The following TAF13 variants were observed in gnomAD, a reference collection of about 807,000 sequenced individuals.
TAF13 encodes transcription initiation factor TFIID subunit 13.
A neutral mutation model predicts 18.7 loss-of-function variants in TAF13; 9 were observed. The observed-to-expected ratio is 0.48, with a 90% CI of 0.29 to 0.84. The LOEUF is 0.84. TAF13 is among the 40% of genes least tolerant of loss of function. The pLI is 0.08. For missense variants in TAF13, 105 were observed against 146.5 expected (o/e 0.72, Z 1.46); for synonymous variants, 49 against 44.1 (o/e 1.11, Z -0.44).
At chr1:109,075,813 G>A (rs1664168101) in intron 1 of TAF13, 108 bp downstream of exon 1, 2 of 1,452,924 alleles carry the variant, frequency 1.4e-6, no homozygotes, top group Non-Finnish European at 1.9e-6. Context: ...CCCGAACTCT[G>A]TCCGCTGAAT....
chr1:109,071,962 A>G (rs1231974748), intron 2 of TAF13, among the ~76,000 whole-genome samples: 27 of 1,376 alleles, frequency 0.02, 1 homozygote, highest in Admixed American at 0.033. Context: ...AAGAAAATAT[A>G]TATATATATA....
Position 109,064,676 on chromosome 1 carries a change from T to C in TAF13, c.222A>G (p.Ser74=), listed in dbSNP as rs776816186. The C allele has an allele frequency of 6.6e-7, 1 of 1,521,584 alleles. No homozygotes were observed. Among genetic ancestry groups the C allele is most frequent in the South Asian group, 1.4e-5 (1 of 73,976 alleles). The allele number at this position is 1,521,584 out of a possible 1,614,324, so 94.3% of individuals were successfully genotyped here. Residue 74 remains serine, a synonymous_variant, in exon 4 of 4, where the codon TCA becomes TCG. Transcript: ENST00000338366. The part of the protein sequence containing the change: ...FITEMTHKAM[S]IGRQGRVQVE... ...CTTGTACTCGACCTTGTCTTCCAAT[T>C]GACATTGCCTTGTGAGTCTATTACA...
intron 2 of TAF13, among the ~76,000 whole-genome samples, chr1:109,074,348 G>C (rs999178073): frequency 1.7e-4 from 26 of 152,152 alleles, no homozygotes; most frequent in Non-Finnish European, 3.1e-4. Context: ...GGTGCAAGAT[G>C]TGCTTTGTTA....
At chr1:109,068,981 G>A (rs1164406853) in intron 2 of TAF13, among the ~76,000 whole-genome samples, 6 of 152,276 alleles carry the variant, frequency 3.9e-5, no homozygotes, top group South Asian at 2.1e-4. Flanking sequence ...CAACCTGGGC[G>A]AAAGAGGGAG....
intron 2 of TAF13, among the ~76,000 whole-genome samples, chr1:109,070,974 G>A (rs916910898): frequency 6.6e-6 from 1 of 152,148 alleles, no homozygotes; most frequent in Non-Finnish European, 1.5e-5. Flanking sequence ...CATTAGTGAG[G>A]AAACAAAATA....
intron 2 of TAF13, among the ~76,000 whole-genome samples, chr1:109,070,716 GGTTCAGGAGAATAGATCTTTC>G (rs1483556579): frequency 6.6e-6 from 1 of 151,994 alleles, no homozygotes; most frequent in East Asian, 1.9e-4. Flanking sequence ...TTTTTTTAAA[GGTTCAGGAGAATAGATCTTTC>G]GTCAGTAACT....
intron 2 of TAF13, among the ~76,000 whole-genome samples, chr1:109,070,702 A>AT (rs145850948): frequency 2.7e-5 from 4 of 150,714 alleles, no homozygotes; most frequent in African/African-American, 9.7e-5. Flanking sequence ...TCCCCCCCAA[A>AT]TTTTTTTTTT....
At chr1:109,075,862 C>G in intron 1 of TAF13, 59 bp downstream of exon 1, 1 of 1,611,474 alleles carries the variant, frequency 6.2e-7, no homozygotes, top group Non-Finnish European at 8.5e-7. Context: ...ACTCTGCCTC[C>G]GCTACTGAGC....
At chr1:109,073,559 G>A (rs1664116920) in intron 2 of TAF13, among the ~76,000 whole-genome samples, 1 of 152,154 alleles carries the variant, frequency 6.6e-6, no homozygotes, top group Non-Finnish European at 1.5e-5. Context: ...GTGGAGACGG[G>A]GTTTCGCCGT....
intron 2 of TAF13, among the ~76,000 whole-genome samples, chr1:109,067,279 G>A (rs181424869): frequency 3.9e-5 from 6 of 151,958 alleles, no homozygotes; most frequent in South Asian, 2.1e-4. Context: ...GCAACATGGC[G>A]AAACCCTGTC....
Position 109,066,137 on chromosome 1 carries a change from T to C in TAF13, c.202A>G (p.Met68Val), listed in dbSNP as rs1281981816. The stretch of plus-strand genomic sequence containing the variant: ...GACCAGTTAGGAAAGAATCTTACCA[T>C]TTCAGTGATAAACTCTATGACAAGA... ...EDLVIEFITE[M>V]THKAMSIGRQ... Residue 68 changes from methionine (M) to valine (V), a missense_variant and splice_region_variant, in exon 3 of 4, where the codon ATG becomes GTG. Coordinates refer to ENST00000338366, the MANE Select transcript of TAF13 (RefSeq NM_005645.4). The C allele has an allele frequency of 6.2e-7, 1 of 1,605,412 alleles. No homozygotes were observed. The highest frequency in any genetic ancestry group is 1.8e-5 in the Admixed American group (1 of 57,064).
intron 2 of TAF13, among the ~76,000 whole-genome samples, chr1:109,072,009 TATATACACACAC>T (rs1454821389): frequency 0.048 from 121 of 2,524 alleles, 10 homozygotes; most frequent in Non-Finnish European, 0.084. Flanking sequence ...TATATATATA[TATATACACACAC>T]ATATATATAT....
intron 3 of TAF13, 75 bp downstream of exon 3, chr1:109,066,060 T>C: frequency 1.6e-6 from 2 of 1,256,550 alleles, no homozygotes; most frequent in Middle Eastern, 2.1e-4. Flanking sequence ...ATGCCATAAG[T>C]TCTAGTCTTA....
Position 109,072,007 on chromosome 1 carries a change from TATATATACACACAC to T in TAF13, c.106+2966_106+2979del, listed in dbSNP as rs1664072697. 8.8e-3 allele frequency among the ~76,000 whole-genome samples: 19 copies of T among 2,160 alleles called. 1 individual carries two copies. Among genetic ancestry groups the T allele is most frequent in the Middle Eastern group, 0.25 (1 of 4 alleles). 1.4% of individuals were successfully genotyped at this position (2,160 alleles called of 152,430 possible). A position where few individuals can be genotyped will look rare whatever the true frequency, so the allele number is the denominator to read the frequency against. ...ATATATATATATATATATATATATA[TATATATACACACAC>T]ATATATATATATATATATATATACA... On this transcript the variant is annotated intron_variant, in intron 2 of 3. Transcript: ENST00000338366.
At chr1:109,064,715 C>G in intron 3 of TAF13, 22 bp from the exon 4 acceptor site, 1 of 1,409,598 alleles carries the variant, frequency 7.1e-7, no homozygotes, top group Middle Eastern at 1.9e-4. Context: ...AAACATATTA[C>G]ATTTAACTTT....
intron 2 of TAF13, among the ~76,000 whole-genome samples, chr1:109,074,779 C>CAAA (rs35227534): frequency 4.7e-4 from 49 of 105,094 alleles, no homozygotes; most frequent in African/African-American, 1.5e-3. Context: ...GACTCCGTCT[C>CAAA]AAAAAAAAAA....
chr1:109,069,418 A>C (rs1389156381), intron 2 of TAF13, among the ~76,000 whole-genome samples: 1 of 152,242 alleles, frequency 6.6e-6, no homozygotes, highest in Admixed American at 6.5e-5. Context: ...AATGCTATGT[A>C]AATAGTTGTT....
chr1:109,067,958 T>C lies in TAF13; in HGVS notation c.107-1726A>G, dbSNP rs1356498956. Among the ~76,000 whole-genome samples the C allele has an allele frequency of 9.8e-5, 15 of 152,328 alleles. 1 individual carries two copies. The East Asian group carries it at 2.9e-3, about 29-fold the overall frequency. ...CAACAGCATCGCACTTGTTGGTAGT[T>C]GTAGTTTAGGGCAGACAGGATCCGT... is the stretch of plus-strand genomic sequence containing the variant. On this transcript the variant is annotated intron_variant, in intron 2 of 3. Coordinates refer to ENST00000338366, the MANE Select transcript of TAF13 (RefSeq NM_005645.4).
At chr1:109,074,338 G>A (rs1418576870) in intron 2 of TAF13, among the ~76,000 whole-genome samples, 3 of 152,202 alleles carry the variant, frequency 2.0e-5, no homozygotes, top group Middle Eastern at 3.4e-3. Flanking sequence ...GATTAAGGGC[G>A]GTGCAAGATG....
Sources: allele counts gnomAD v4.1 joint callset (sites outside exome capture counted in the v4.1 genomes callset), GRCh38; gene constraint gnomAD v4.1.1; transcripts MANE v1.5; gene names NCBI Gene and HGNC (gene_info 2026-07-23, HGNC 2026-07-21).